The following ADK variants were observed in gnomAD, a reference collection of about 807,000 sequenced individuals.
ADK encodes the protein adenosine kinase.
Under a neutral mutation model 44.7 loss-of-function variants are expected in ADK, and 24 were observed. That is an observed-to-expected ratio of 0.54 (90% CI 0.39 to 0.76). ADK has a LOEUF of 0.76. ADK is among the 30% of genes least tolerant of loss of function. ADK has a pLI of 0.00. For missense variants in ADK, 321 were observed against 425.1 expected, an observed-to-expected ratio of 0.76 and a Z score of 2.15; for synonymous variants, 128 against 142.6, an observed-to-expected ratio of 0.90 and a Z score of 0.73.
At chr10:74,180,310 T>G (rs1445348814) in intron 1 of ADK, among the ~76,000 whole-genome samples, 3 of 149,094 alleles carry the variant, frequency 2.0e-5, no homozygotes, top group Non-Finnish European at 4.4e-5. Context: ...CGATCTCGGC[T>G]CATTGCAACC....
At chr10:74,271,530 T>A in intron 3 of ADK, among the ~76,000 whole-genome samples, 1 of 4,404 alleles carries the variant, frequency 2.3e-4, no homozygotes, top group Non-Finnish European at 4.3e-4. Flanking sequence ...TCATTTAGCA[T>A]TAGTATATCT....
chr10:74,243,999 TA>T (rs145495707), intron 3 of ADK, among the ~76,000 whole-genome samples: 57 of 151,286 alleles, frequency 3.8e-4, no homozygotes, highest in Non-Finnish European at 6.9e-4. Context: ...ATCGACACCT[TA>T]AAAAAAAACT....
At chr10:74,700,345 C>T (rs751959530) in intron 10 of ADK, among the ~76,000 whole-genome samples, 13 of 152,178 alleles carry the variant, frequency 8.5e-5, no homozygotes, top group East Asian at 3.9e-4. Context: ...TGGGTTCAAG[C>T]GATTCTTCTG....
At chr10:74,428,921 A>T (rs1390275972) in intron 6 of ADK, among the ~76,000 whole-genome samples, 1 of 152,220 alleles carries the variant, frequency 6.6e-6, no homozygotes, top group Admixed American at 6.5e-5. Flanking sequence ...AACATCATCT[A>T]TGCAGTTTCT....
chr10:74,279,984 C>T (rs989194301), intron 3 of ADK, among the ~76,000 whole-genome samples: 1 of 152,136 alleles, frequency 6.6e-6, no homozygotes, highest in East Asian at 1.9e-4. Context: ...GTTATTATTG[C>T]ACCACTGCAC....
chr10:74,359,210 G>T (rs537790736), intron 4 of ADK, among the ~76,000 whole-genome samples: 2 of 152,086 alleles, frequency 1.3e-5, no homozygotes, highest in African/African-American at 4.8e-5. Context: ...ATGCTGTTTT[G>T]GTTACTGTAG....
intron 3 of ADK, among the ~76,000 whole-genome samples, chr10:74,280,707 T>C (rs1846902340): frequency 6.6e-6 from 1 of 152,214 alleles, no homozygotes. Flanking sequence ...CTTGGGTCTA[T>C]TGAGTTGATC....
chr10:74,248,215 A>G (rs1845503343), intron 3 of ADK, among the ~76,000 whole-genome samples: 1 of 152,228 alleles, frequency 6.6e-6, no homozygotes, highest in African/African-American at 2.4e-5. Flanking sequence ...AGTAGTAAAG[A>G]AATACAAAAA....
At chr10:74,491,339 TC>T (rs1847475503) in intron 6 of ADK, among the ~76,000 whole-genome samples, 1 of 152,152 alleles carries the variant, frequency 6.6e-6, no homozygotes, top group Non-Finnish European at 1.5e-5. Context: ...AACTTTTAGA[TC>T]CAAGCAATCC....
chr10:74,331,696 G>C (rs577709054), intron 4 of ADK, among the ~76,000 whole-genome samples: 19 of 152,166 alleles, frequency 1.2e-4, no homozygotes, highest in Non-Finnish European at 2.1e-4. Flanking sequence ...ATGTTGGCAA[G>C]GTTGGTCTCA....
intron 1 of ADK, among the ~76,000 whole-genome samples, chr10:74,160,827 C>G (rs1020419202): frequency 2.0e-5 from 3 of 151,880 alleles, no homozygotes; most frequent in African/African-American, 7.3e-5. Context: ...TAATCAACAA[C>G]TCCGACAGGA....
chr10:74,581,628 T>G (rs1170731163), intron 7 of ADK, among the ~76,000 whole-genome samples: 2 of 151,850 alleles, frequency 1.3e-5, no homozygotes, highest in African/African-American at 4.8e-5. Flanking sequence ...ATAATCAAAT[T>G]GCATAAGATC....
At chr10:74,236,750 C>T (rs887286210) in intron 3 of ADK, among the ~76,000 whole-genome samples, 1 of 152,060 alleles carries the variant, frequency 6.6e-6, no homozygotes, top group Non-Finnish European at 1.5e-5. Flanking sequence ...ATTATATTCC[C>T]CAGTGCATAT....
chr10:74,613,377 T>C (rs763067092), intron 9 of ADK, among the ~76,000 whole-genome samples: 15 of 152,056 alleles, frequency 9.9e-5, no homozygotes, highest in South Asian at 4.2e-4. Context: ...AAACAGAACT[T>C]TTTAACAGCT....
At chr10:74,261,461 G>A (rs1231992915) in intron 3 of ADK, among the ~76,000 whole-genome samples, 3 of 151,960 alleles carry the variant, frequency 2.0e-5, no homozygotes, top group African/African-American at 7.3e-5. Flanking sequence ...CTCTTTTGGG[G>A]GACAATTTGC....
At chr10:74,400,182 A>C (rs1453100758) in intron 6 of ADK, among the ~76,000 whole-genome samples, 1 of 152,090 alleles carries the variant, frequency 6.6e-6, no homozygotes, top group Non-Finnish European at 1.5e-5. Context: ...TATTTTTGAG[A>C]TTTGGGTGGT....
chr10:74,443,361 TA>T (rs1226125724), intron 6 of ADK, among the ~76,000 whole-genome samples: 1 of 152,164 alleles, frequency 6.6e-6, no homozygotes, highest in African/African-American at 2.4e-5. Flanking sequence ...TATTATTTAG[TA>T]ATAAGCAGGA....
chr10:74,278,227 A>T (rs1019201108), intron 3 of ADK, among the ~76,000 whole-genome samples: 11 of 151,808 alleles, frequency 7.2e-5, no homozygotes, highest in Non-Finnish European at 1.5e-4. Context: ...AGTGGCAGGC[A>T]CCTGTAAACC....
At chr10:74,425,542 AC>A (rs1366110918) in intron 6 of ADK, among the ~76,000 whole-genome samples, 1 of 152,094 alleles carries the variant, frequency 6.6e-6, no homozygotes, top group Non-Finnish European at 1.5e-5. Context: ...CTAATTTCTC[AC>A]ATTTTTCTAT....
Sources: allele counts gnomAD v4.1 joint callset (sites outside exome capture counted in the v4.1 genomes callset), GRCh38; gene constraint gnomAD v4.1.1; transcripts MANE v1.5; gene names NCBI Gene and HGNC (gene_info 2026-07-23, HGNC 2026-07-21).